Variants in HSD17B11 observed in about 807,000 individuals in gnomAD.
HSD17B11 encodes estradiol 17-beta-dehydrogenase 11.
HSD17B11 carries 22 observed loss-of-function variants against 27.8 expected under a neutral mutation model. The ratio of observed to expected loss-of-function variants is 0.79; its 90% CI spans 0.56 to 1.13. The LOEUF (loss-of-function observed/expected upper bound fraction) is 1.13. HSD17B11 is among the 50% of genes most tolerant of loss of function. HSD17B11 has a pLI of 0.00. For synonymous variants in HSD17B11, 117 were observed against 132.8 expected (o/e 0.88, Z 0.82); for missense variants, 314 against 351.1 (o/e 0.89, Z 0.84).
chr4:87,344,963 A>G (rs1735242607), intron 5 of HSD17B11, among the ~76,000 whole-genome samples: 1 of 152,220 alleles, frequency 6.6e-6, no homozygotes, highest in African/African-American at 2.4e-5. Flanking sequence ...AGAACACAAC[A>G]TATCAAGATT....
intron 1 of HSD17B11, 77 bp from the exon 2 acceptor site, chr4:87,382,439 T>C: frequency 1.1e-6 from 1 of 931,870 alleles, no homozygotes; most frequent in Non-Finnish European, 1.7e-6. Context: ...TAATTAAAAA[T>C]AATTTTTAAA....
chr4:87,383,978 G>A (rs988973718), intron 1 of HSD17B11, among the ~76,000 whole-genome samples: 1 of 152,102 alleles, frequency 6.6e-6, no homozygotes, highest in African/African-American at 2.4e-5. Flanking sequence ...AGAGAGGATG[G>A]TGAATCAGTG....
At chr4:87,385,278 T>C (rs913721749) in intron 1 of HSD17B11, among the ~76,000 whole-genome samples, 2 of 152,158 alleles carry the variant, frequency 1.3e-5, no homozygotes, top group African/African-American at 4.8e-5. Context: ...TTCTGACACA[T>C]GCTACACGTA....
At chr4:87,368,705 T>G (rs1218716364) in intron 4 of HSD17B11, among the ~76,000 whole-genome samples, 1 of 152,060 alleles carries the variant, frequency 6.6e-6, no homozygotes, top group Non-Finnish European at 1.5e-5. Flanking sequence ...TCGCTGATGA[T>G]AAAACAGGTT....
chr4:87,368,450 C>T (rs1282100961), intron 4 of HSD17B11, among the ~76,000 whole-genome samples: 2 of 152,246 alleles, frequency 1.3e-5, no homozygotes, highest in Non-Finnish European at 2.9e-5. Context: ...TATCATGGCC[C>T]CATTCAGCCT....
chr4:87,367,306 T>C (rs1481890523), intron 4 of HSD17B11, among the ~76,000 whole-genome samples: 1 of 152,200 alleles, frequency 6.6e-6, no homozygotes, highest in Non-Finnish European at 1.5e-5. Flanking sequence ...ACACAGTCCC[T>C]GTACAGGGTT....
intron 4 of HSD17B11, among the ~76,000 whole-genome samples, chr4:87,371,148 T>C (rs1451042322): frequency 6.6e-6 from 1 of 152,188 alleles, no homozygotes; most frequent in Non-Finnish European, 1.5e-5. Context: ...CAGTCAAGAT[T>C]CATAATGCCA....
intron 2 of HSD17B11, among the ~76,000 whole-genome samples, chr4:87,375,879 A>C (rs7677323): frequency 0.057 from 8,644 of 152,250 alleles, 837 homozygotes; most frequent in African/African-American, 0.2. Context: ...ATCGCTCTCC[A>C]TTAGGTGGCA....
intron 2 of HSD17B11, among the ~76,000 whole-genome samples, chr4:87,375,666 G>C (rs760070870): frequency 6.6e-6 from 1 of 152,134 alleles, no homozygotes; most frequent in African/African-American, 2.4e-5. Context: ...GCTTGAACCC[G>C]AGAGGCGGAA....
At chr4:87,389,586 C>A (rs567877244) in intron 1 of HSD17B11, among the ~76,000 whole-genome samples, 1 of 152,296 alleles carries the variant, frequency 6.6e-6, no homozygotes, top group South Asian at 2.1e-4. Context: ...ACCTTATTTT[C>A]TGTTTGTCAC....
Position 87,354,658 on chromosome 4 carries a change from AAT to A in HSD17B11, c.695+2619_695+2620del, listed in dbSNP as rs1491401336. Among the ~76,000 whole-genome samples the A allele has an allele frequency of 4.0e-5, 6 of 151,552 alleles. 1 individual carries two copies. The highest frequency in any genetic ancestry group is 2.0e-4 in the Admixed American group (3 of 15,202). ...TCCTTGTCTCAAAAAAAATAAAAAAAATAAAAAAAGGAAAAAAATTAGAATCT... is the reference window on the plus strand; with the variant it reads ...TCCTTGTCTCAAAAAAAATAAAAAAAAAAAAAAGGAAAAAAATTAGAATCT... On this transcript the variant is annotated intron_variant, in intron 5 of 6. Transcript: ENST00000358290.
rs1489733671 is a variant in HSD17B11, at chr4:87,356,986, C to G, written c.695+293G>C. 5.3e-5 allele frequency among the ~76,000 whole-genome samples: 8 copies of G among 152,294 alleles called. No individual in the cohort carries two copies. In the East Asian group the frequency reaches 1.5e-3, roughly 29 times the overall value. ...AGCCCCAACATAGTTCCCAAGCACACCTGGTGACATGTATGCATATTTAAG... is the reference window on the plus strand; with the variant it reads ...AGCCCCAACATAGTTCCCAAGCACAGCTGGTGACATGTATGCATATTTAAG... On this transcript the variant is annotated intron_variant, in intron 5 of 6. Coordinates refer to ENST00000358290, the MANE Select transcript of HSD17B11 (RefSeq NM_016245.5).
intron 5 of HSD17B11, among the ~76,000 whole-genome samples, chr4:87,356,092 C>T (rs1157335189): frequency 2.0e-5 from 3 of 152,042 alleles, no homozygotes; most frequent in Admixed American, 6.5e-5. Flanking sequence ...ACTGGATTGG[C>T]GGTGATTAAA....
At position 87,345,935 on chromosome 4, in the gene HSD17B11, T is replaced by C. The variant is rs1010892373; in HGVS notation, c.696-5329A>G. 2.0e-5 allele frequency among the ~76,000 whole-genome samples: 3 copies of C among 152,202 alleles called. No homozygotes were observed. In the South Asian group the frequency reaches 6.2e-4, roughly 31 times the overall value. On this transcript the variant is annotated intron_variant, in intron 5 of 6. Coordinates refer to ENST00000358290, the MANE Select transcript of HSD17B11 (RefSeq NM_016245.5). Reference sequence around the variant, plus strand: ...AAATAGAAGAGGAGGAAATTCTTAATTCATTCTCTGAGTCCCGAATTACCC... The same window carrying C: ...AAATAGAAGAGGAGGAAATTCTTAACTCATTCTCTGAGTCCCGAATTACCC...
chr4:87,360,811 C>T (rs1382848263), intron 4 of HSD17B11, among the ~76,000 whole-genome samples: 3 of 152,004 alleles, frequency 2.0e-5, no homozygotes, highest in Non-Finnish European at 4.4e-5. Context: ...GACAAAATAC[C>T]AATGATAATG....
intron 4 of HSD17B11, among the ~76,000 whole-genome samples, chr4:87,368,778 G>A (rs1002085570): frequency 3.3e-5 from 5 of 152,156 alleles, no homozygotes; most frequent in Non-Finnish European, 5.9e-5. Context: ...ACCTCTGGTC[G>A]TCCTCACTGC....
At chr4:87,374,648 A>C in intron 3 of HSD17B11, 51 bp downstream of exon 3, 1 of 1,551,514 alleles carries the variant, frequency 6.4e-7, no homozygotes, top group Non-Finnish European at 8.7e-7. Flanking sequence ...GCCCCACTTT[A>C]ATCTTTGGGA....
chr4:87,374,894 T>C, intron 2 of HSD17B11, 64 bp from the exon 3 acceptor site: 1 of 1,253,382 alleles, frequency 8.0e-7, no homozygotes, highest in Non-Finnish European at 1.1e-6. Flanking sequence ...TTATACACAA[T>C]GGCTATTTTT....
intron 6 of HSD17B11, among the ~76,000 whole-genome samples, chr4:87,338,308 G>C (rs984980958): frequency 6.6e-6 from 1 of 151,988 alleles, no homozygotes; most frequent in African/African-American, 2.4e-5. Context: ...GAATATTTAG[G>C]GAGTTGTCAC....
Sources: gnomAD v4.1 joint callset for allele counts (sites outside exome capture counted in the v4.1 genomes callset) on GRCh38, gnomAD v4.1.1 for gene constraint, MANE v1.5 for transcripts, NCBI Gene and HGNC (gene_info 2026-07-23, HGNC 2026-07-21) for gene names.